The following ANK2 variants were observed in gnomAD, a reference collection of about 807,000 sequenced individuals.
The protein encoded by ANK2 is ankyrin 2.
ANK2 carries 83 observed loss-of-function variants against 360.5 expected under a neutral mutation model. That is an observed-to-expected ratio of 0.23 (90% CI 0.19 to 0.28). The LOEUF (loss-of-function observed/expected upper bound fraction) is 0.28. Among genes scored for constraint, ANK2 ranks in the 10% least tolerant of loss-of-function variants. ANK2 has a pLI of 1.00. For synonymous variants in ANK2, 1,740 were observed against 1,759.5 expected (o/e 0.99, Z 0.28); for missense variants, 4,201 against 4,795.7 (o/e 0.88, Z 3.66).
chr4:113,029,523 G>A (rs556666211), intron 2 of ANK2, among the ~76,000 whole-genome samples: 1 of 152,088 alleles, frequency 6.6e-6, no homozygotes, highest in Non-Finnish European at 1.5e-5. Flanking sequence ...GAGCCACTGC[G>A]CAGCCAGATT....
At chr4:112,914,402 C>T (rs2088944973) in intron 2 of ANK2, among the ~76,000 whole-genome samples, 1 of 152,114 alleles carries the variant, frequency 6.6e-6, no homozygotes, top group Non-Finnish European at 1.5e-5. Context: ...GGGCAGATCA[C>T]TTGAGGCCAG....
chr4:113,154,029 C>T (rs1188094129), intron 1 of ANK2, among the ~76,000 whole-genome samples: 1 of 152,170 alleles, frequency 6.6e-6, no homozygotes, highest in African/African-American at 2.4e-5. Context: ...TATTAAGCTT[C>T]TTCTTATCCA....
chr4:112,849,815 T>C (rs1157291471), intron 1 of ANK2, among the ~76,000 whole-genome samples: 1 of 152,210 alleles, frequency 6.6e-6, no homozygotes, highest in African/African-American at 2.4e-5. Context: ...GCCCAGATAG[T>C]TGGTGAACAT....
At chr4:113,234,566 G>A (rs779212668) in intron 5 of ANK2, among the ~76,000 whole-genome samples, 2 of 151,956 alleles carry the variant, frequency 1.3e-5, no homozygotes, top group South Asian at 4.2e-4. Context: ...TTTTTACAGG[G>A]CTGTGTGGTT....
chr4:112,992,483 G>A (rs1440797423), intron 2 of ANK2, among the ~76,000 whole-genome samples: 1 of 152,118 alleles, frequency 6.6e-6, no homozygotes, highest in Non-Finnish European at 1.5e-5. Flanking sequence ...ACCAAAGTCT[G>A]TATTAGTCAG....
chr4:113,266,438 T>C (rs548345940), intron 14 of ANK2, among the ~76,000 whole-genome samples: 2 of 152,346 alleles, frequency 1.3e-5, no homozygotes, highest in Non-Finnish European at 2.9e-5. Flanking sequence ...GTCTTTATAG[T>C]AGAATGGCTT....
At chr4:112,787,964 T>C in the ANK2 span, 7,802 of 634,954 alleles carry the variant, frequency 0.012, 291 homozygotes, top group East Asian at 0.097. Flanking sequence ...TATATGATCA[T>C]TAATGATTAG....
intron 1 of ANK2, among the ~76,000 whole-genome samples, chr4:113,116,701 C>CAGG (rs952999262): frequency 2.2e-4 from 33 of 150,614 alleles, no homozygotes; most frequent in Admixed American, 2.0e-3. Context: ...AGTAGCACGG[C>CAGG]AGCAGCAGCA....
At position 113,336,560 on chromosome 4, in the gene ANK2, G is replaced by A; in HGVS notation, c.3592-17G>A. On this transcript the variant is annotated splice_polypyrimidine_tract_variant and intron_variant, in intron 30 of 45. Transcript: ENST00000357077. The stretch of plus-strand genomic sequence containing the variant: ...TATATACACAAATATATATGTGTGT[G>A]TTTTTACTTTGAAAAGGCTCAACCT... 6.2e-7 allele frequency: 1 copy of A among 1,605,686 alleles called. No homozygotes were observed. The highest frequency in any genetic ancestry group is 8.5e-7 in the Non-Finnish European group (1 of 1,173,238).
chr4:113,147,890 TA>T (rs1161050006), intron 1 of ANK2, among the ~76,000 whole-genome samples: 6 of 152,260 alleles, frequency 3.9e-5, no homozygotes, highest in Non-Finnish European at 8.8e-5. Context: ...CAGCTGTTTT[TA>T]AATTTTTATT....
chr4:113,249,656 T>C, intron 9 of ANK2, 108 bp from the exon 10 acceptor site: 1 of 984,526 alleles, frequency 1.0e-6, no homozygotes, highest in East Asian at 2.5e-5. Context: ...TACTTATTTA[T>C]TGAGTAATCA....
chr4:112,950,467 AC>A (rs777053965), intron 2 of ANK2, among the ~76,000 whole-genome samples: 38 of 151,366 alleles, frequency 2.5e-4, no homozygotes, highest in Non-Finnish European at 1.0e-4. Flanking sequence ...ACACAGTGAA[AC>A]CCTGTCTCTA....
chr4:113,311,365 C>T lies in ANK2; in HGVS notation c.2659C>T (p.Leu887=). ...TCAGTTCCTGGATGGTATGAATTAC[C>T]TGCGATACAGCTTGGAGGGAGGACG... ...SSQFLDGMNY[L]RYSLEGGRSD... The change falls in exon 24 of 46, where the codon CTG becomes TTG. Residue 887 remains leucine (L), a synonymous_variant. Transcript: ENST00000357077. 1 of 1,614,052 alleles carries T rather than the reference C, an allele frequency of 6.2e-7. No individual in the cohort carries two copies. The highest frequency in any genetic ancestry group is 8.5e-7 in the Non-Finnish European group (1 of 1,180,016).
chr4:113,222,021 G>T lies in ANK2; in HGVS notation c.385-10140G>T, dbSNP rs537160186. ...TAGTTAAACATGGGTTCGAATCCCA[G>T]CTCCATGTTTTAAGTAATGTGAAAC... On this transcript the variant is annotated intron_variant, in intron 4 of 45. Transcript: ENST00000357077. Among the ~76,000 whole-genome samples the T allele has an allele frequency of 6.7e-4, 102 of 152,308 alleles. 1 individual carries two copies. The highest frequency in any genetic ancestry group is 5.5e-3 in the Admixed American group (84 of 15,302).
intron 1 of ANK2, among the ~76,000 whole-genome samples, chr4:112,849,006 G>A (rs1240884690): frequency 1.3e-5 from 2 of 152,164 alleles, no homozygotes; most frequent in Non-Finnish European, 2.9e-5. Flanking sequence ...ATCCTGGAGT[G>A]TTTTGTTTTG....
upstream of ANK2, chr4:113,049,620 C>G: frequency 6.6e-7 from 1 of 1,512,084 alleles, no homozygotes; most frequent in Non-Finnish European, 8.9e-7. Flanking sequence ...CGCCCCTTCC[C>G]CACCCCTCCT....
intron 29 of ANK2, among the ~76,000 whole-genome samples, chr4:113,334,274 T>C (rs1235593662): frequency 1.3e-5 from 2 of 152,200 alleles, no homozygotes; most frequent in African/African-American, 4.8e-5. Flanking sequence ...ATATGTTAAG[T>C]CAATATCTTC....
chr4:113,103,566 A>G (rs1171150577), intron 1 of ANK2, among the ~76,000 whole-genome samples: 1 of 152,202 alleles, frequency 6.6e-6, no homozygotes, highest in African/African-American at 2.4e-5. Flanking sequence ...ATTTATGACT[A>G]ATGACTAAAA....
At position 113,290,552 on chromosome 4, in the gene ANK2, T is replaced by C. The variant is rs113937171; in HGVS notation, c.2278-1864T>C. Among the ~76,000 whole-genome samples, 921 of 152,264 alleles carry C rather than the reference T, an allele frequency of 6.0e-3. 9 individuals are homozygous for C. The highest frequency in any genetic ancestry group is 0.021 in the African/African-American group (864 of 41,552). ...AGACCTGGTTAATCATATATTTAAT[T>C]TGTGAAGAGGGTTTAGAACAGCACA... On this transcript the variant is annotated intron_variant, in intron 20 of 45. Transcript: ENST00000357077.
Sources: gnomAD v4.1 joint callset for allele counts (sites outside exome capture counted in the v4.1 genomes callset) on GRCh38, gnomAD v4.1.1 for gene constraint, MANE v1.5 for transcripts, NCBI Gene and HGNC (gene_info 2026-07-23, HGNC 2026-07-21) for gene names.